ANKMY1: variants seen among roughly 807,000 people sequenced by gnomAD.
ANKMY1 encodes ankyrin repeat and MYND domain-containing protein 1.
ANKMY1 carries 98 observed loss-of-function variants against 102.0 expected under a neutral mutation model. The ratio of observed to expected loss-of-function variants is 0.96; its 90% CI spans 0.82 to 1.14. ANKMY1 has a LOEUF of 1.14. Ranked by LOEUF, ANKMY1 falls within the 50% of genes most tolerant of loss-of-function variation. The pLI is 0.00. For missense variants in ANKMY1, 1,330 were observed against 1,347.6 expected (o/e 0.99, Z 0.20); for synonymous variants, 582 against 559.9 (o/e 1.04, Z -0.56).
rs563467484 is a variant in ANKMY1, at chr2:240,480,510, G to A, written c.3046+427C>T. 1.5e-4 allele frequency among the ~76,000 whole-genome samples: 23 copies of A among 152,358 alleles called. 1 individual carries two copies. Among genetic ancestry groups the A allele is most frequent in the South Asian group, 6.2e-4 (3 of 4,834 alleles). ...AGACAGACATCTGAGACGGCAGGCT[G>A]GGAGGAAATTTCCTGAAGGAGCCCC... is the stretch of plus-strand genomic sequence containing the variant. On this transcript the variant is annotated intron_variant, in intron 17 of 17. Coordinates refer to ENST00000401804, the MANE Select transcript of ANKMY1 (RefSeq NM_001282771.3).
chr2:240,553,353 C>A, intron 3 of ANKMY1: 1 of 378,244 alleles, frequency 2.6e-6, no homozygotes, highest in Non-Finnish European at 5.0e-6. Context: ...GACATGCCTT[C>A]TCCCTGGTGA....
intron 13 of ANKMY1, among the ~76,000 whole-genome samples, chr2:240,501,022 C>G (rs941518895): frequency 1.3e-5 from 2 of 151,930 alleles, no homozygotes; most frequent in African/African-American, 4.8e-5. Flanking sequence ...GTGTGTGGGG[C>G]GGGGGGCCAG....
intron 11 of ANKMY1, among the ~76,000 whole-genome samples, chr2:240,510,371 C>A (rs762361699): frequency 1.3e-5 from 2 of 152,128 alleles, no homozygotes; most frequent in Non-Finnish European, 2.9e-5. Context: ...CCCTGGGAAC[C>A]CCTCTGTTTT....
In ANKMY1 at chr2:240,557,926, G is replaced by A; in HGVS notation, c.-63C>T. The A allele has an allele frequency of 1.0e-6, 1 of 985,592 alleles. No individual in the cohort carries two copies. Among genetic ancestry groups the A allele is most frequent in the South Asian group, 4.7e-5 (1 of 21,302 alleles). 61.1% of individuals were successfully genotyped at this position (985,592 alleles called of 1,614,324 possible). ...CGCGCCGGACAGCAGGGAGACCGAC[G>A]GGACTGCAGCCACCGCGGACGCCCG... On this transcript the variant is annotated 5_prime_UTR_variant, in exon 1 of 18. Coordinates refer to ENST00000401804, the MANE Select transcript of ANKMY1 (RefSeq NM_001282771.3).
downstream of ANKMY1, among the ~76,000 whole-genome samples, chr2:240,477,501 T>A (rs1003124482): frequency 6.6e-6 from 1 of 152,088 alleles, no homozygotes; most frequent in Non-Finnish European, 1.5e-5. Flanking sequence ...GTTCAAGCAA[T>A]CCTCCCACCA....
chr2:240,552,987 C>G lies in ANKMY1; in HGVS notation c.407G>C (p.Ser136Thr). 6.2e-7 allele frequency: 1 copy of G among 1,614,068 alleles called. No homozygotes were observed. ...GCTGAGGTAAAATGTGCCCGTGAAA[C>G]TGGAGCCATCTGGCCACATGTAGGT... ...LGTYMWPDGS[S>T]FTGTFYLSHR... The change falls in exon 4 of 18, where the codon AGT becomes ACT. Residue 136 changes from serine (S) to threonine (T), a missense_variant. Transcript: ENST00000401804.
chr2:240,480,788 C>T, intron 17 of ANKMY1, 149 bp downstream of exon 17: 11 of 1,196,380 alleles, frequency 9.2e-6, no homozygotes, highest in Non-Finnish European at 1.1e-5. Flanking sequence ...TGCCCACCTC[C>T]CAACAGGCCG....
intron 2 of ANKMY1, chr2:240,555,311 C>T (rs1231252430): frequency 3.9e-6 from 2 of 510,970 alleles, no homozygotes; most frequent in South Asian, 2.6e-5. Context: ...GCTCTAGAGG[C>T]AGGACCAGTC....
At chr2:240,509,733 T>C (rs1033377276) in intron 11 of ANKMY1, among the ~76,000 whole-genome samples, 2 of 152,152 alleles carry the variant, frequency 1.3e-5, no homozygotes, top group South Asian at 2.1e-4. Context: ...CATAAGTTGA[T>C]TTAAAGTTTG....
chr2:240,497,039 C>A (rs372154846), intron 15 of ANKMY1, among the ~76,000 whole-genome samples: 3 of 152,210 alleles, frequency 2.0e-5, no homozygotes, highest in East Asian at 3.9e-4. Context: ...ATCATAACCT[C>A]CAGTAATTCT....
At chr2:240,511,380 A>G (rs1484678192) in intron 11 of ANKMY1, among the ~76,000 whole-genome samples, 2 of 152,224 alleles carry the variant, frequency 1.3e-5, no homozygotes, top group Non-Finnish European at 2.9e-5. Context: ...GTTTCCCCGC[A>G]TCCACCCCAG....
chr2:240,553,221 A>G, intron 3 of ANKMY1, 164 bp from the exon 4 acceptor site: 1 of 788,510 alleles, frequency 1.3e-6, no homozygotes, highest in Non-Finnish European at 2.0e-6. Flanking sequence ...CGGCAACTGA[A>G]GCACCCAGAG....
At position 240,542,207 on chromosome 2, in the gene ANKMY1, G is replaced by GA. The variant is rs1245343137; in HGVS notation, c.480+10706dup. ...TGGGTGACAGCAAGACTCCATCTCA[G>GA]AAAAAAAAAAAAAAAAAGGGCCAGG... is the stretch of plus-strand genomic sequence containing the variant. On this transcript the variant is annotated intron_variant, in intron 4 of 17. Coordinates refer to ENST00000401804, the MANE Select transcript of ANKMY1 (RefSeq NM_001282771.3). Among the ~76,000 whole-genome samples the GA allele has an allele frequency of 1.0e-2, 740 of 74,326 alleles. 3 individuals are homozygous for GA. Among genetic ancestry groups the GA allele is most frequent in the African/African-American group, 0.022 (453 of 20,150 alleles). The allele number at this position is 74,326 out of a possible 152,430, so 48.8% of individuals were successfully genotyped here.
At chr2:240,548,199 G>C (rs528698568) in intron 4 of ANKMY1, among the ~76,000 whole-genome samples, 5,244 of 152,160 alleles carry the variant, frequency 0.034, 131 homozygotes, top group South Asian at 0.1. Context: ...GGATGCAAGG[G>C]TGGTTCAATA....
At chr2:240,523,850 G>A (rs1190408510) in intron 8 of ANKMY1, 35 bp downstream of exon 8, 7 of 1,596,204 alleles carry the variant, frequency 4.4e-6, no homozygotes, top group Admixed American at 3.4e-5. Context: ...CCTGATGGTG[G>A]CCCTCCACCC....
At chr2:240,485,054 C>T (rs903933154) in intron 15 of ANKMY1, among the ~76,000 whole-genome samples, 18 of 152,110 alleles carry the variant, frequency 1.2e-4, no homozygotes, top group Admixed American at 2.6e-4. Context: ...AACAGCCAGG[C>T]GCGGTGGCTC....
At chr2:240,469,055 G>A in the ANKMY1 span, among the ~76,000 whole-genome samples, 1 of 152,184 alleles carries the variant, frequency 6.6e-6, no homozygotes, top group African/African-American at 2.4e-5. Flanking sequence ...GGGGCTCAGC[G>A]GGGCCCCTAG....
In ANKMY1 at chr2:240,482,201, T is replaced by C; in HGVS notation, c.2867A>G (p.Asp956Gly). 5 of 1,612,474 alleles carry C rather than the reference T, an allele frequency of 3.1e-6. No homozygotes were observed. Among genetic ancestry groups the C allele is most frequent in the South Asian group, 1.1e-5 (1 of 90,708 alleles). ...KKGPSLPRGL[D>G]VKEQGQIPFF... ...CACTTACTGCCCCTGCTCCTTCACA[T>C]CCAGGCCCCTGGGCAGGCTGGGGCC... Residue 956 changes from aspartate to glycine, a missense_variant, in exon 16 of 18, where the codon GAT (aspartate) becomes GGT (glycine). Physicochemically the swap from Asp to Gly is moderately conservative, Grantham distance 94. Coordinates refer to ENST00000401804, the MANE Select transcript of ANKMY1 (RefSeq NM_001282771.3).
downstream of ANKMY1, among the ~76,000 whole-genome samples, chr2:240,474,470 TA>T (rs2074729017): frequency 6.6e-6 from 1 of 151,972 alleles, no homozygotes; most frequent in Non-Finnish European, 1.5e-5. Flanking sequence ...CTTATATAGG[TA>T]AACTCGTGTC....
Sources: gnomAD v4.1 joint callset for allele counts (sites outside exome capture counted in the v4.1 genomes callset) on GRCh38, gnomAD v4.1.1 for gene constraint, MANE v1.5 for transcripts, NCBI Gene and HGNC (gene_info 2026-07-23, HGNC 2026-07-21) for gene names.